SAMD4B: variants seen among roughly 807,000 people sequenced by gnomAD.
SAMD4B encodes the protein protein Smaug homolog 2.
SAMD4B carries 5 observed loss-of-function variants against 74.5 expected under a neutral mutation model. The observed-to-expected ratio is 0.07, with a 90% CI of 0.04 to 0.14. The LOEUF (loss-of-function observed/expected upper bound fraction) is 0.14. Ranked by LOEUF, SAMD4B falls within the 10% of genes least tolerant of loss-of-function variation. The pLI, the probability that SAMD4B is intolerant of heterozygous loss-of-function variation, is 1.00. For missense variants in SAMD4B, 608 were observed against 921.8 expected, an observed-to-expected ratio of 0.66 and a Z score of 4.41; for synonymous variants, 373 against 374.9, an observed-to-expected ratio of 1.00 and a Z score of 0.06.
In SAMD4B at chr19:39,342,442, ACGGCGGCGGCGG is replaced by A. The variant is rs920214608; in HGVS notation, c.-388_-377del. On this transcript the variant is annotated 5_prime_UTR_variant, in exon 1 of 14. Coordinates refer to ENST00000610417, the MANE Select transcript of SAMD4B (RefSeq NM_001384574.2). ...ACGCACGGCGCGGTGACGCAGCGCGACGGCGGCGGCGGCGGCGGCGGCGGTGGTCGGTGCGGG... is the reference window on the plus strand; with the variant it reads ...ACGCACGGCGCGGTGACGCAGCGCGACGGCGGCGGCGGTGGTCGGTGCGGG... 5.1e-5 allele frequency: 9 copies of A among 177,670 alleles called. No homozygotes were observed. The Admixed American group carries it at 5.1e-4, about 10-fold the overall frequency. 11.0% of individuals were successfully genotyped at this position (177,670 alleles called of 1,614,324 possible). A position where few individuals can be genotyped will look rare whatever the true frequency, so the allele number is the denominator to read the frequency against.
chr19:39,375,190 G>C lies in SAMD4B; in HGVS notation c.668-460G>C, dbSNP rs904970918. On this transcript the variant is annotated intron_variant, in intron 4 of 13. Transcript: ENST00000610417. This position sits in a 1 kb window ranked among gnomAD's most constrained non-coding sequence, Gnocchi z 4.1. ...GGTGGGTTGTGGGAGAGGAACAGGGGCCAGGTCCTGCATGGCCTTTTAGGC... is the reference window on the plus strand; with the variant it reads ...GGTGGGTTGTGGGAGAGGAACAGGGCCCAGGTCCTGCATGGCCTTTTAGGC... Among the ~76,000 whole-genome samples, 1 of 152,210 alleles carries C rather than the reference G, an allele frequency of 6.6e-6. No homozygotes were observed. Among genetic ancestry groups the C allele is most frequent in the Non-Finnish European group, 1.5e-5 (1 of 68,048 alleles).
At chr19:39,380,450 G>A (rs1850402287) in intron 10 of SAMD4B, 137 bp from the exon 11 acceptor site, 2 of 902,740 alleles carry the variant, frequency 2.2e-6, no homozygotes, top group Non-Finnish European at 3.6e-6. Flanking sequence ...GGTACCCTTG[G>A]GGCAGATGAG....
intron 3 of SAMD4B, among the ~76,000 whole-genome samples, chr19:39,364,316 T>C (rs2076825405): frequency 1.3e-5 from 2 of 152,182 alleles, no homozygotes; most frequent in African/African-American, 4.8e-5. Context: ...ACAACAGCGA[T>C]TGAGAATGTC....
At chr19:39,376,881 C>T (rs748076669) in intron 7 of SAMD4B, 90 bp downstream of exon 7, 21 of 1,070,996 alleles carry the variant, frequency 2.0e-5, no homozygotes, top group African/African-American at 1.6e-4. Flanking sequence ...CCAGACTCCT[C>T]GGATGTGGCC....
downstream of SAMD4B, chr19:39,389,837 C>A (rs2078334468): frequency 1.9e-6 from 3 of 1,592,420 alleles, no homozygotes; most frequent in Non-Finnish European, 2.6e-6. This position sits in a 1 kb window ranked among gnomAD's most constrained non-coding sequence, Gnocchi z 5.3. Flanking sequence ...AGAGGCGGAG[C>A]TTCTCTGGGG....
chr19:39,345,698 G>T (rs1435705261), intron 1 of SAMD4B, among the ~76,000 whole-genome samples: 4 of 152,174 alleles, frequency 2.6e-5, no homozygotes, highest in Non-Finnish European at 4.4e-5. Context: ...GATGTGTCTT[G>T]TTCTTCTCTG....
At chr19:39,390,702 C>T (rs1256329907), downstream of SAMD4B, 8 of 1,110,594 alleles carry the variant, frequency 7.2e-6, no homozygotes, top group Non-Finnish European at 1.1e-5. Flanking sequence ...CCGCCCCCTT[C>T]GTCAAAGGTG....
intron 3 of SAMD4B, among the ~76,000 whole-genome samples, chr19:39,363,793 C>T (rs2076790964): frequency 6.6e-6 from 1 of 152,216 alleles, no homozygotes. Flanking sequence ...CTGCTAGGAC[C>T]TGAGACAGAG....
At chr19:39,386,329 G>A (rs200627106), downstream of SAMD4B, 49 of 1,613,912 alleles carry the variant, frequency 3.0e-5, no homozygotes, top group East Asian at 4.5e-4. This position sits in a 1 kb window ranked among gnomAD's most constrained non-coding sequence, Gnocchi z 6.1. Context: ...CCTTCCTCCC[G>A]TTCACTCTCG....
intron 4 of SAMD4B, among the ~76,000 whole-genome samples, chr19:39,370,714 C>T (rs898472513): frequency 6.6e-6 from 1 of 152,224 alleles, no homozygotes; most frequent in Non-Finnish European, 1.5e-5. Flanking sequence ...TCTGAGAACA[C>T]TGTCTGTATA....
chr19:39,345,947 T>G (rs987918248), intron 1 of SAMD4B, among the ~76,000 whole-genome samples: 1 of 152,140 alleles, frequency 6.6e-6, no homozygotes, highest in Non-Finnish European at 1.5e-5. Flanking sequence ...TTCTTTGTGC[T>G]GTTTCCTGAT....
intron 1 of SAMD4B, among the ~76,000 whole-genome samples, chr19:39,342,920 G>T (rs1163598225): frequency 1.3e-5 from 2 of 148,216 alleles, no homozygotes; most frequent in African/African-American, 5.0e-5. Context: ...CCCCGTGTGC[G>T]CCCTGAAAGG....
intron 3 of SAMD4B, among the ~76,000 whole-genome samples, chr19:39,362,199 G>A (rs750446696): frequency 6.6e-6 from 1 of 152,150 alleles, no homozygotes; most frequent in Admixed American, 6.5e-5. Context: ...ATCCCCCAGG[G>A]CCTTTCTAAA....
chr19:39,362,154 G>T (rs556918491), intron 3 of SAMD4B, among the ~76,000 whole-genome samples: 1 of 152,186 alleles, frequency 6.6e-6, no homozygotes, highest in East Asian at 1.9e-4. Context: ...GCACAGAGCT[G>T]ACCTAGGTGA....
intron 3 of SAMD4B, among the ~76,000 whole-genome samples, chr19:39,363,858 G>GGCCTCTGCTGT (rs2076796481): frequency 6.6e-6 from 1 of 152,160 alleles, no homozygotes; most frequent in Non-Finnish European, 1.5e-5. Context: ...GTATTCGTTG[G>GGCCTCTGCTGT]GCCTCTGCTG....
intron 3 of SAMD4B, among the ~76,000 whole-genome samples, chr19:39,362,349 T>G (rs2076705887): frequency 1.3e-5 from 2 of 152,156 alleles, no homozygotes; most frequent in South Asian, 4.1e-4. Context: ...GATACTGTTG[T>G]GTGACCTACT....
intron 3 of SAMD4B, among the ~76,000 whole-genome samples, chr19:39,364,038 C>T (rs1264409138): frequency 6.6e-6 from 1 of 152,238 alleles, no homozygotes; most frequent in Admixed American, 6.5e-5. Flanking sequence ...GGGAGGCCCG[C>T]CCTCCCCACC....
At chr19:39,358,389 A>G (rs1023683229) in intron 3 of SAMD4B, among the ~76,000 whole-genome samples, 5 of 152,114 alleles carry the variant, frequency 3.3e-5, no homozygotes, top group African/African-American at 1.2e-4. Flanking sequence ...TCTGTGCCTC[A>G]CTTTCCTGCG....
chr19:39,388,525 T>A (rs761199732), downstream of SAMD4B: 3 of 1,613,450 alleles, frequency 1.9e-6, no homozygotes, highest in Middle Eastern at 5.0e-4. Flanking sequence ...CCCCAAAACT[T>A]CCCAATCCCC....
Sources: allele counts gnomAD v4.1 joint callset (sites outside exome capture counted in the v4.1 genomes callset), GRCh38; gene constraint gnomAD v4.1.1; non-coding constraint Gnocchi (gnomAD v3.1); transcripts MANE v1.5; gene names NCBI Gene and HGNC (gene_info 2026-07-23, HGNC 2026-07-21).